The following ENAH variants were observed in gnomAD, a reference collection of about 807,000 sequenced individuals.
ENAH encodes ENAH actin regulator, also known as protein enabled homolog.
A neutral mutation model predicts 78.7 loss-of-function variants in ENAH; 23 were observed. The observed-to-expected ratio is 0.29, with a 90% CI of 0.21 to 0.41. The LOEUF is 0.41. ENAH is among the 10% of genes least tolerant of loss of function. The pLI is 1.00. For synonymous variants in ENAH, 226 were observed against 241.0 expected (o/e 0.94, Z 0.58); for missense variants, 544 against 691.0 (o/e 0.79, Z 2.39).
At chr1:225,569,151 C>T (rs949696694) in intron 1 of ENAH, among the ~76,000 whole-genome samples, 1 of 152,180 alleles carries the variant, frequency 6.6e-6, no homozygotes, top group Admixed American at 6.6e-5. Context: ...TGAAACAAGC[C>T]AAGGCAAAGT....
chr1:225,508,066 G>A, intron 10 of ENAH, 49 bp from the exon 11 acceptor site: 4 of 1,215,060 alleles, frequency 3.3e-6, no homozygotes, highest in Non-Finnish European at 3.4e-6. Flanking sequence ...TGCTTCCAGA[G>A]TTATTATAAA....
intron 4 of ENAH, among the ~76,000 whole-genome samples, chr1:225,527,196 T>A (rs1190083920): frequency 6.6e-6 from 1 of 152,202 alleles, no homozygotes; most frequent in East Asian, 1.9e-4. Context: ...TGTTTTTCAC[T>A]ACACGTTCCA....
chr1:225,515,988 A>G (rs1027286183), intron 6 of ENAH, among the ~76,000 whole-genome samples: 1 of 152,250 alleles, frequency 6.6e-6, no homozygotes, highest in Non-Finnish European at 1.5e-5. Context: ...ATATATACAT[A>G]TACAGCAATA....
intron 5 of ENAH, chr1:225,517,905 G>A (rs1398983329): frequency 1.9e-5 from 30 of 1,551,002 alleles, no homozygotes; most frequent in South Asian, 5.9e-5. Context: ...TGACTTTAGC[G>A]TATGATGGAG....
In ENAH at chr1:225,513,013, C is replaced by G; in HGVS notation, c.1222G>C (p.Glu408Gln). The change falls in exon 8 of 14, where the codon GAG becomes CAG. Residue 408 changes from glutamate to glutamine, a missense_variant. Coordinates refer to ENST00000366843, the MANE Select transcript of ENAH (RefSeq NM_018212.6). ...CCTCCACTTGGGAAAGAGGTATCCT[C>G]CATCTTAATGAGAATATACAGACAT... is the stretch of plus-strand genomic sequence containing the variant. ...GAKLRKVSRM[E>Q]DTSFPSGGNA... is the part of the protein sequence containing the mutation. 6.2e-7 allele frequency: 1 copy of G among 1,611,630 alleles called. No individual in the cohort carries two copies.
intron 4 of ENAH, among the ~76,000 whole-genome samples, chr1:225,519,875 C>A (rs1010082151): frequency 6.6e-6 from 1 of 152,150 alleles, no homozygotes; most frequent in Non-Finnish European, 1.5e-5. Context: ...ACTTTAATAA[C>A]CAAGTCATTA....
At chr1:225,585,567 C>T (rs1413935517) in intron 1 of ENAH, among the ~76,000 whole-genome samples, 1 of 152,036 alleles carries the variant, frequency 6.6e-6, no homozygotes, top group Non-Finnish European at 1.5e-5. Flanking sequence ...GCAGGTGGAT[C>T]ACCTGAGGTC....
At chr1:225,556,084 T>C (rs1484304727) in intron 2 of ENAH, among the ~76,000 whole-genome samples, 1 of 152,238 alleles carries the variant, frequency 6.6e-6, no homozygotes, top group Non-Finnish European at 1.5e-5. Context: ...TAGTCGTTTG[T>C]ATAAATCATA....
intron 1 of ENAH, among the ~76,000 whole-genome samples, chr1:225,640,937 C>T (rs1660924050): frequency 1.3e-5 from 2 of 148,868 alleles, no homozygotes; most frequent in Non-Finnish European, 1.5e-5. Flanking sequence ...GTTCTGTTGC[C>T]CAGGCTGGAG....
intron 1 of ENAH, among the ~76,000 whole-genome samples, chr1:225,589,749 T>C (rs1348954443): frequency 6.6e-6 from 1 of 152,128 alleles, no homozygotes; most frequent in Non-Finnish European, 1.5e-5. Flanking sequence ...AAAGCAAATA[T>C]AGTAAAATGT....
At position 225,530,545 on chromosome 1, in the gene ENAH, A is replaced by C; in HGVS notation, c.434+9T>G. On this transcript the variant is annotated intron_variant, in intron 4 of 13. Transcript: ENST00000366843. ...AAGAAAAAGTACAAACAATAACTTGAAAATTTACCTTCTTTGAATTTCCAA... is the reference window on the plus strand; with the variant it reads ...AAGAAAAAGTACAAACAATAACTTGCAAATTTACCTTCTTTGAATTTCCAA... 1 of 1,604,442 alleles carries C rather than the reference A, an allele frequency of 6.2e-7. No homozygotes were observed. The highest frequency in any genetic ancestry group is 8.5e-7 in the Non-Finnish European group (1 of 1,171,430).
At chr1:225,530,958 C>A in intron 3 of ENAH, 1 of 404,392 alleles carries the variant, frequency 2.5e-6, no homozygotes, top group Non-Finnish European at 4.4e-6. Context: ...TTGACAGTTT[C>A]TAAGACAATG....
intron 1 of ENAH, among the ~76,000 whole-genome samples, chr1:225,577,705 A>G (rs17561781): frequency 0.045 from 6,806 of 152,340 alleles, 235 homozygotes; most frequent in South Asian, 0.11. Context: ...AATGACCATC[A>G]AAAGCAAGAT....
intron 1 of ENAH, among the ~76,000 whole-genome samples, chr1:225,626,326 T>C (rs558102553): frequency 6.6e-6 from 1 of 152,248 alleles, no homozygotes; most frequent in Non-Finnish European, 1.5e-5. Context: ...ATCGTTCTAC[T>C]GAGGTTAAAT....
At position 225,493,102 on chromosome 1, in the gene ENAH, GT is replaced by G. The variant is rs1402389240; in HGVS notation, c.*4672del. On this transcript the variant is annotated 3_prime_UTR_variant, in exon 14 of 14. Transcript: ENST00000366843. ...TACTTTTCTTTCTAATCAATTTTAG[GT>G]TTTAATTTGAAGGTTTCATCTTTCC... is the stretch of plus-strand genomic sequence containing the variant. 1 of 151,962 alleles carries G rather than the reference GT, an allele frequency of 6.6e-6. No individual in the cohort carries two copies. Among genetic ancestry groups the G allele is most frequent in the African/African-American group, 2.4e-5 (1 of 41,326 alleles). The allele number at this position is 151,962 out of a possible 1,614,324, so 9.4% of individuals were successfully genotyped here. A position where few individuals can be genotyped will look rare whatever the true frequency, so the allele number is the denominator to read the frequency against.
intron 10 of ENAH, among the ~76,000 whole-genome samples, chr1:225,508,874 C>T (rs575957495): frequency 3.5e-4 from 53 of 152,320 alleles, no homozygotes; most frequent in South Asian, 2.3e-3. Flanking sequence ...AGTTCCAATG[C>T]AGCTCCTCAG....
chr1:225,572,361 C>G (rs1391823797), intron 1 of ENAH, among the ~76,000 whole-genome samples: 1 of 152,108 alleles, frequency 6.6e-6, no homozygotes, highest in Non-Finnish European at 1.5e-5. Context: ...TTTTGCCCTA[C>G]TTGACAGGTA....
At chr1:225,520,164 G>A (rs781008103) in intron 4 of ENAH, among the ~76,000 whole-genome samples, 17 of 151,990 alleles carry the variant, frequency 1.1e-4, no homozygotes, top group South Asian at 4.2e-4. Flanking sequence ...GCATGGTAGC[G>A]TGCGCCTATA....
At chr1:225,517,120 C>CA in intron 6 of ENAH, 76 bp downstream of exon 6, 2 of 1,237,006 alleles carry the variant, frequency 1.6e-6, no homozygotes, top group Non-Finnish European at 2.2e-6. Flanking sequence ...CCTACCCATC[C>CA]ATTCAGGCAA....
Sources: allele counts gnomAD v4.1 joint callset (sites outside exome capture counted in the v4.1 genomes callset), GRCh38; gene constraint gnomAD v4.1.1; transcripts MANE v1.5; gene names NCBI Gene and HGNC (gene_info 2026-07-23, HGNC 2026-07-21).